Variants in MMP20 observed in about 807,000 individuals in gnomAD.
MMP20 encodes the protein matrix metallopeptidase 20.
In MMP20, 50 loss-of-function variants were observed where a neutral mutation model predicts 51.8. The ratio of observed to expected loss-of-function variants is 0.97; its 90% confidence interval spans 0.77 to 1.22. The LOEUF (loss-of-function observed/expected upper bound fraction) is 1.22, where lower values mean the gene tolerates loss of function less well. MMP20 is among the 50% of genes most tolerant of loss of function. MMP20 has a pLI of 0.00. For synonymous variants in MMP20, 244 were observed against 216.2 expected (o/e 1.13, Z -1.13); for missense variants, 663 against 601.4 (o/e 1.10, Z -1.07).
intron 6 of MMP20, among the ~76,000 whole-genome samples, chr11:102,604,684 T>C (rs1227782136): frequency 6.6e-6 from 1 of 152,204 alleles, no homozygotes; most frequent in Non-Finnish European, 1.5e-5. Flanking sequence ...TAGTTCAAAC[T>C]GTTTCTAATT....
At chr11:102,581,400 A>G (rs1351037853) in intron 8 of MMP20, among the ~76,000 whole-genome samples, 2 of 152,158 alleles carry the variant, frequency 1.3e-5, no homozygotes, top group African/African-American at 4.8e-5. Context: ...AAGGTTGAGA[A>G]GGGGTGAAAA....
At chr11:102,585,211 C>T (rs528968853) in intron 8 of MMP20, among the ~76,000 whole-genome samples, 3 of 152,266 alleles carry the variant, frequency 2.0e-5, no homozygotes, top group Admixed American at 1.3e-4. Context: ...CTACTATCAT[C>T]TTAAAAATAT....
At chr11:102,585,226 A>G (rs898447169) in intron 8 of MMP20, among the ~76,000 whole-genome samples, 2 of 152,126 alleles carry the variant, frequency 1.3e-5, no homozygotes, top group African/African-American at 2.4e-5. Flanking sequence ...AAATATCCTC[A>G]TCCATGAACA....
chr11:102,624,380 A>C (rs547120973), intron 1 of MMP20, among the ~76,000 whole-genome samples: 1 of 125,948 alleles, frequency 7.9e-6, no homozygotes, highest in Non-Finnish European at 1.8e-5. Flanking sequence ...CCTTCTTTTA[A>C]AAACAAAACA....
chr11:102,605,863 C>G lies in MMP20; in HGVS notation c.953+672G>C, dbSNP rs529662665. Among the ~76,000 whole-genome samples, 6 of 152,250 alleles carry G rather than the reference C, an allele frequency of 3.9e-5. No individual in the cohort carries two copies. The East Asian group carries it at 1.2e-3, about 29-fold the overall frequency. ...CCATGGAAAGAAGTATTTGGAGTAACCAGCATCATGGAGACAACAGCCTTA... is the reference window on the plus strand; with the variant it reads ...CCATGGAAAGAAGTATTTGGAGTAAGCAGCATCATGGAGACAACAGCCTTA... On this transcript the variant is annotated intron_variant, in intron 6 of 9. Transcript: ENST00000260228.
chr11:102,583,056 T>C (rs1859214694), intron 8 of MMP20, among the ~76,000 whole-genome samples: 1 of 152,204 alleles, frequency 6.6e-6, no homozygotes, highest in African/African-American at 2.4e-5. Flanking sequence ...ATATTTTTCT[T>C]CTCAGTTCTC....
intron 1 of MMP20, among the ~76,000 whole-genome samples, chr11:102,623,953 T>G (rs1172146722): frequency 6.6e-6 from 1 of 152,240 alleles, no homozygotes; most frequent in Non-Finnish European, 1.5e-5. Context: ...CCTGAGTTAT[T>G]TTGAATTTAG....
intron 8 of MMP20, among the ~76,000 whole-genome samples, chr11:102,591,957 G>T (rs1859322323): frequency 6.6e-6 from 1 of 152,172 alleles, no homozygotes; most frequent in Non-Finnish European, 1.5e-5. Flanking sequence ...GAGAGACAAT[G>T]GGAGAGTGGA....
intron 2 of MMP20, among the ~76,000 whole-genome samples, chr11:102,613,743 C>A (rs568494756): frequency 1.3e-5 from 2 of 152,226 alleles, no homozygotes; most frequent in South Asian, 4.2e-4. Flanking sequence ...AGGTTTGGGG[C>A]CAAAAGAAGA....
chr11:102,616,203 G>T (rs1255076075), intron 2 of MMP20, among the ~76,000 whole-genome samples: 3 of 152,186 alleles, frequency 2.0e-5, no homozygotes, highest in African/African-American at 7.2e-5. Context: ...ATCAGGCTCA[G>T]ATGTTACTGC....
Position 102,610,032 on chromosome 11 carries a change from T to C in MMP20, c.524-2A>G. 2 of 1,614,074 alleles carry C rather than the reference T, an allele frequency of 1.2e-6. No homozygotes were observed. Among genetic ancestry groups the C allele is most frequent in the Non-Finnish European group, 1.7e-6 (2 of 1,179,996 alleles). ...CGAATGGATAGGAATCCCCGTGATC[T>C]AAACAAGTGGGGAGAAAGGCCAACA... is the stretch of plus-strand genomic sequence containing the variant. On this transcript the variant is annotated splice_acceptor_variant, in intron 3 of 9. Coordinates refer to ENST00000260228, the MANE Select transcript of MMP20 (RefSeq NM_004771.4). LOFTEE classifies it high-confidence loss of function.
Position 102,593,430 on chromosome 11 carries a change from A to C in MMP20, c.1247+9T>G, listed in dbSNP as rs778920093. ...TAAAGATAGATAGTAAAAAGGAAAAAAGCCATACCTGTAGTATTCATCTCC... is the reference window on the plus strand; with the variant it reads ...TAAAGATAGATAGTAAAAAGGAAAACAGCCATACCTGTAGTATTCATCTCC... On this transcript the variant is annotated intron_variant, in intron 8 of 9. Coordinates refer to ENST00000260228, the MANE Select transcript of MMP20 (RefSeq NM_004771.4). 6.2e-7 allele frequency: 1 copy of C among 1,613,008 alleles called. No individual in the cohort carries two copies. The highest frequency in any genetic ancestry group is 8.5e-7 in the Non-Finnish European group (1 of 1,179,280).
chr11:102,587,851 C>T (rs764738277), intron 8 of MMP20, among the ~76,000 whole-genome samples: 1 of 152,108 alleles, frequency 6.6e-6, no homozygotes, highest in Non-Finnish European at 1.5e-5. Context: ...TAAAATGTAT[C>T]TGCTGTAGAC....
At chr11:102,619,038 C>T (rs1345798384) in intron 1 of MMP20, among the ~76,000 whole-genome samples, 1 of 152,122 alleles carries the variant, frequency 6.6e-6, no homozygotes, top group Non-Finnish European at 1.5e-5. Context: ...TGCCCAGGCT[C>T]TGAAACCTAG....
At chr11:102,580,083 C>G (rs1182574385) in intron 8 of MMP20, among the ~76,000 whole-genome samples, 1 of 152,182 alleles carries the variant, frequency 6.6e-6, no homozygotes, top group Non-Finnish European at 1.5e-5. Flanking sequence ...ACTTGAATTC[C>G]ATTGCTTTTG....
chr11:102,601,130 T>C (rs376281036), intron 6 of MMP20, among the ~76,000 whole-genome samples: 42 of 20,848 alleles, frequency 2.0e-3, no homozygotes, highest in South Asian at 8.2e-3. Context: ...CTATTCTTTT[T>C]TTTTTTTTTT....
Position 102,611,618 on chromosome 11 carries a change from G to T in MMP20, c.523+137C>A, listed in dbSNP as rs17099003. On this transcript the variant is annotated intron_variant, in intron 3 of 9. Transcript: ENST00000260228. ...CTGGCCAGATGAAGATCATGGCTTT[G>T]CCATGGTCTTGGCCTTGGCCCATCA... 1.6e-4 allele frequency: 164 copies of T among 1,021,104 alleles called. No homozygotes were observed. The African/African-American group carries it at 2.2e-3, about 14-fold the overall frequency. 63.3% of individuals were successfully genotyped at this position (1,021,104 alleles called of 1,614,324 possible).
intron 2 of MMP20, among the ~76,000 whole-genome samples, chr11:102,613,090 T>C (rs532570183): frequency 6.6e-6 from 1 of 152,262 alleles, no homozygotes; most frequent in South Asian, 2.1e-4. Flanking sequence ...GGAGGCTCAC[T>C]GGAATTGAAA....
intron 8 of MMP20, among the ~76,000 whole-genome samples, chr11:102,591,792 C>T (rs1476408834): frequency 2.6e-5 from 4 of 152,160 alleles, no homozygotes; most frequent in African/African-American, 9.7e-5. Flanking sequence ...GAGCCTTGAC[C>T]TCCCCATCCT....
Sources: gnomAD v4.1 joint callset for allele counts (sites outside exome capture counted in the v4.1 genomes callset) on GRCh38, gnomAD v4.1.1 for gene constraint, MANE v1.5 for transcripts, NCBI Gene and HGNC (gene_info 2026-07-23, HGNC 2026-07-21) for gene names.